The following RTBDN variants were observed in gnomAD, a reference collection of about 807,000 sequenced individuals.
The protein encoded by RTBDN is retbindin.
In RTBDN, 24 loss-of-function variants were observed where a neutral mutation model predicts 21.9. That is an observed-to-expected ratio of 1.10 (90% CI 0.79 to 1.54). RTBDN has a LOEUF of 1.54. Ranked by LOEUF, RTBDN falls within the 40% of genes most tolerant of loss-of-function variation. The pLI is 0.00. For missense variants in RTBDN, 325 were observed against 315.2 expected (o/e 1.03, Z -0.23); for synonymous variants, 141 against 125.9 (o/e 1.12, Z -0.80).
chr19:12,828,173 G>A (rs1294535099), intron 4 of RTBDN, among the ~76,000 whole-genome samples: 1 of 151,566 alleles, frequency 6.6e-6, no homozygotes, highest in South Asian at 2.1e-4. Flanking sequence ...CGAGGCGGGC[G>A]GATCACGAGG....
intron 2 of RTBDN, among the ~76,000 whole-genome samples, chr19:12,829,568 G>C (rs1405068808): frequency 6.6e-6 from 1 of 152,108 alleles, no homozygotes; most frequent in East Asian, 1.9e-4. Flanking sequence ...CTCTCTTTTT[G>C]GGGGTCCATG....
At chr19:12,828,826 T>C (rs1217166746) in intron 3 of RTBDN, 43 bp downstream of exon 3, 1 of 1,613,942 alleles carries the variant, frequency 6.2e-7, no homozygotes, top group Middle Eastern at 1.7e-4. Flanking sequence ...TCCTGGGCAA[T>C]GGGCAAAGTA....
intron 5 of RTBDN, 164 bp from the exon 6 acceptor site, chr19:12,826,097 G>A (rs949871840): frequency 7.1e-7 from 1 of 1,407,580 alleles, no homozygotes; most frequent in African/African-American, 1.5e-5. Flanking sequence ...CAGGTCCTTG[G>A]GGAGGGTGAA....
chr19:12,828,762 T>C lies in RTBDN; in HGVS notation c.260A>G (p.Glu87Gly), dbSNP rs753833392. The change falls in exon 4 of 6, where the codon GAA becomes GGA. Residue 87 changes from glutamate (E) to glycine (G), a missense_variant. Coordinates refer to ENST00000674343, the MANE Select transcript of RTBDN (RefSeq NM_001270441.2). ...ERCGVPSPECESFLEHLQRAL... is the reference protein window; with the variant it reads ...ERCGVPSPECGSFLEHLQRAL... The stretch of plus-strand genomic sequence containing the variant: ...ACGTTGGAGGTGTTCCAGGAAGGAT[T>C]CGCATCTGGACGTTGGGAGAGATAG... 4 of 1,614,084 alleles carry C rather than the reference T, an allele frequency of 2.5e-6. No individual in the cohort carries two copies.
At chr19:12,826,716 T>C (rs1331172540) in intron 5 of RTBDN, 59 bp downstream of exon 5, 3 of 1,099,512 alleles carry the variant, frequency 2.7e-6, no homozygotes, top group Non-Finnish European at 4.0e-6. Flanking sequence ...AATAAATAAA[T>C]AAATAACTTG....
At position 12,830,367 on chromosome 19, in the gene RTBDN, T is replaced by G; in HGVS notation, c.-18-370A>C. 1.0e-6 allele frequency: 1 copy of G among 1,002,614 alleles called. No homozygotes were observed. The highest frequency in any genetic ancestry group is 1.2e-6 in the Non-Finnish European group (1 of 841,360). The allele number at this position is 1,002,614 out of a possible 1,614,324, so 62.1% of individuals were successfully genotyped here. On this transcript the variant is annotated intron_variant, in intron 1 of 5. Transcript: ENST00000674343. The surrounding 1 kb of genome is among the most constrained non-coding windows in gnomAD (Gnocchi z 4.2). ...CCAATCCCCCTCTCCTGTTCAGTAATTCCTCCCTCTCTTCTATGCGGCCTC... is the reference window on the plus strand; with the variant it reads ...CCAATCCCCCTCTCCTGTTCAGTAAGTCCTCCCTCTCTTCTATGCGGCCTC...
rs772241722 is a variant in RTBDN, at chr19:12,829,934, G to A, written c.46C>T (p.Leu16=). 2.0e-5 allele frequency: 32 copies of A among 1,614,042 alleles called. No homozygotes were observed. Among genetic ancestry groups the A allele is most frequent in the Non-Finnish European group, 2.5e-5 (29 of 1,180,002 alleles). Residue 16 remains leucine, a synonymous_variant, in exon 2 of 6, where the codon CTG becomes TTG. Coordinates refer to ENST00000674343, the MANE Select transcript of RTBDN (RefSeq NM_001270441.2). ...HMRPIGLTWV[L]QLTLAWILLE... ...AGGATCCATGCCAAGGTCAGTTGCA[G>A]CACCCACGTCAGGCCGATGGGTCGC...
In RTBDN at chr19:12,825,873, C is replaced by G. The variant is rs752636203; in HGVS notation, c.523G>C (p.Ala175Pro). ...TTGAAGCAGTGACGGGCTCCAGGAGCAGCCACCGGTAGGGCGTGGCCCAGA... is the reference window on the plus strand; with the variant it reads ...TTGAAGCAGTGACGGGCTCCAGGAGGAGCCACCGGTAGGGCGTGGCCCAGA... ...SALGHALPVA[A>P]PGARHCFNIS... is the part of the protein sequence containing the mutation. Residue 175 changes from alanine (A) to proline (P), a missense_variant, in exon 6 of 6, where the codon GCT becomes CCT. Physicochemically the swap from Ala to Pro is conservative, Grantham distance 27. Transcript: ENST00000674343. 1 of 1,613,278 alleles carries G rather than the reference C, an allele frequency of 6.2e-7. No individual in the cohort carries two copies. The highest frequency in any genetic ancestry group is 1.1e-5 in the South Asian group (1 of 90,982).
rs73503467 is a variant in RTBDN, at chr19:12,825,522, G to A, written c.*184C>T. 11,751 of 927,058 alleles carry A rather than the reference G, an allele frequency of 0.013. 1,038 individuals are homozygous for A. The African/African-American group carries it at 0.18, about 14-fold the overall frequency. 57.4% of individuals were successfully genotyped at this position (927,058 alleles called of 1,614,324 possible). On this transcript the variant is annotated 3_prime_UTR_variant, in exon 6 of 6. Transcript: ENST00000674343. ...CTTTATTCAAAGGGGAGAGGGAAAA[G>A]TGAGAGAGTTGGGTCATTTCTGGGA...
upstream of RTBDN, chr19:12,834,629 C>T: frequency 1.3e-6 from 2 of 1,513,330 alleles, no homozygotes; most frequent in South Asian, 1.2e-5. This position sits in a 1 kb window ranked among gnomAD's most constrained non-coding sequence, Gnocchi z 4.7. Flanking sequence ...TGTGGGTGGG[C>T]GGGAGCGATT....
Position 12,830,747 on chromosome 19 carries a change from G to C in RTBDN, c.-18-750C>G, listed in dbSNP as rs1969541541. 1.1e-6 allele frequency: 1 copy of C among 902,784 alleles called. No homozygotes were observed. The highest frequency in any genetic ancestry group is 1.3e-6 in the Non-Finnish European group (1 of 754,486). The allele number at this position is 902,784 out of a possible 1,614,324, so 55.9% of individuals were successfully genotyped here. On this transcript the variant is annotated intron_variant, in intron 1 of 5. Transcript: ENST00000674343. This position sits in a 1 kb window ranked among gnomAD's most constrained non-coding sequence, Gnocchi z 4.2. ...CCTGCCCACACTCCAGCTGACCAAA[G>C]GCTGGCCGACTTGGGGCTGGTGTGT...
intron 4 of RTBDN, 48 bp from the exon 5 acceptor site, chr19:12,826,919 C>T (rs77370002): frequency 2.3e-5 from 30 of 1,325,734 alleles, no homozygotes; most frequent in Non-Finnish European, 3.1e-5. Context: ...TAGTTACATT[C>T]CAGCGCGATT....
chr19:12,829,941 C>T lies in RTBDN; in HGVS notation c.39G>A (p.Thr13=), dbSNP rs760628027. ...CRVHMRPIGL[T]WVLQLTLAWI... ...ATGCCAAGGTCAGTTGCAGCACCCA[C>T]GTCAGGCCGATGGGTCGCATGTGGA... The change falls in exon 2 of 6, where the codon ACG becomes ACA. Residue 13 remains threonine (T), a synonymous_variant. Coordinates refer to ENST00000674343, the MANE Select transcript of RTBDN (RefSeq NM_001270441.2). 24 of 1,613,974 alleles carry T rather than the reference C, an allele frequency of 1.5e-5. No homozygotes were observed. The highest frequency in any genetic ancestry group is 4.5e-5 in the East Asian group (2 of 44,888).
At chr19:12,829,773 C>T in intron 2 of RTBDN, 38 bp downstream of exon 2, 1 of 1,580,606 alleles carries the variant, frequency 6.3e-7, no homozygotes. Context: ...GTGTGGGTTT[C>T]TGGGTGTTGG....
chr19:12,826,724 T>G (rs1568395140), intron 5 of RTBDN, 51 bp downstream of exon 5: 1 of 1,118,362 alleles, frequency 8.9e-7, no homozygotes, highest in Admixed American at 2.2e-5. Context: ...AATAAATAAC[T>G]TGGTGGGGAG....
Position 12,830,503 on chromosome 19 carries a change from G to T in RTBDN, c.-18-506C>A. 1 of 984,942 alleles carries T rather than the reference G, an allele frequency of 1.0e-6. No individual in the cohort carries two copies. Among genetic ancestry groups the T allele is most frequent in the Admixed American group, 6.1e-5 (1 of 16,378 alleles). The allele number at this position is 984,942 out of a possible 1,614,324, so 61.0% of individuals were successfully genotyped here. The stretch of plus-strand genomic sequence containing the variant: ...GACCTTTGGGACCAAGGCTGGTGTG[G>T]CAGGGCTCAGGTTCTGTCACTGGGG... On this transcript the variant is annotated intron_variant, in intron 1 of 5. Coordinates refer to ENST00000674343, the MANE Select transcript of RTBDN (RefSeq NM_001270441.2). The surrounding 1 kb of genome is among the most constrained non-coding windows in gnomAD (Gnocchi z 4.2).
Position 12,830,580 on chromosome 19 carries a change from C to T in RTBDN, c.-18-583G>A. 3.0e-6 allele frequency: 3 copies of T among 985,384 alleles called. No homozygotes were observed. The highest frequency in any genetic ancestry group is 3.6e-6 in the Non-Finnish European group (3 of 829,876). The allele number at this position is 985,384 out of a possible 1,614,324, so 61.0% of individuals were successfully genotyped here. A position where few individuals can be genotyped will look rare whatever the true frequency, so the allele number is the denominator to read the frequency against. ...AGCGGTCTGTGGAGACAAGACTGTC[C>T]CCTTCCCGCCTCCCCGCATTCAGCC... On this transcript the variant is annotated intron_variant, in intron 1 of 5. Transcript: ENST00000674343. The surrounding 1 kb of genome is among the most constrained non-coding windows in gnomAD (Gnocchi z 4.2).
Position 12,825,872 on chromosome 19 carries a change from G to A in RTBDN, c.524C>T (p.Ala175Val). 1 of 1,613,328 alleles carries A rather than the reference G, an allele frequency of 6.2e-7. No homozygotes were observed. Among genetic ancestry groups the A allele is most frequent in the Non-Finnish European group, 8.5e-7 (1 of 1,179,710 alleles). ...SALGHALPVA[A>V]PGARHCFNIS... ...GTTGAAGCAGTGACGGGCTCCAGGA[G>A]CAGCCACCGGTAGGGCGTGGCCCAG... The change falls in exon 6 of 6, where the codon GCT (alanine) becomes GTT (valine). Residue 175 changes from alanine (A) to valine (V), a missense_variant. Physicochemically the swap from Ala to Val is moderately conservative, Grantham distance 64 (BLOSUM62 0). Transcript: ENST00000674343.
chr19:12,833,718 C>A (rs1024125338), intron 1 of RTBDN, among the ~76,000 whole-genome samples: 1 of 135,564 alleles, frequency 7.4e-6, no homozygotes, highest in Non-Finnish European at 1.6e-5. Context: ...GAGGCTCCGC[C>A]CCCCCGCCCG....
Sources: gnomAD v4.1 joint callset for allele counts (sites outside exome capture counted in the v4.1 genomes callset) on GRCh38, gnomAD v4.1.1 for gene constraint, Gnocchi (gnomAD v3.1) non-coding constraint, MANE v1.5 for transcripts, NCBI Gene and HGNC (gene_info 2026-07-23, HGNC 2026-07-21) for gene names.